Variants in PCSK5 observed in about 807,000 individuals in gnomAD.
PCSK5 encodes the protein prohormone convertase 5.
A neutral mutation model predicts 233.2 loss-of-function variants in PCSK5; 129 were observed. That is an observed-to-expected ratio of 0.55 (90% CI 0.48 to 0.64). PCSK5 has a LOEUF of 0.64. Among genes scored for constraint, PCSK5 ranks in the 30% least tolerant of loss-of-function variants. The probability of loss-of-function intolerance (pLI) is 0.00; values close to 1 mark genes in which losing one functional copy is unlikely to be tolerated. For synonymous variants in PCSK5, 825 were observed against 879.2 expected (o/e 0.94, Z 1.09); for missense variants, 2,076 against 2,430.1 (o/e 0.85, Z 3.06).
At chr9:76,281,961 A>G (rs1030448162) in intron 24 of PCSK5, among the ~76,000 whole-genome samples, 8 of 151,878 alleles carry the variant, frequency 5.3e-5, no homozygotes, top group Admixed American at 1.3e-4. Flanking sequence ...AGTCTTACTG[A>G]GAAAGACACT....
rs552898903 is a variant in PCSK5 at position 76,185,305 on chromosome 9, A to G, written c.2282+548A>G. 4.7e-4 allele frequency among the ~76,000 whole-genome samples: 71 copies of G among 152,242 alleles called. 1 individual carries two copies. Among genetic ancestry groups the G allele is most frequent in the Admixed American group, 2.9e-3 (45 of 15,276 alleles). On this transcript the variant is annotated intron_variant, in intron 17 of 37. Transcript: ENST00000674117. ...ATTGCTAAAGCTCAATAGTTGGTCA[A>G]CTCTCTAAGAGAACAATGTACAGCT... is the stretch of plus-strand genomic sequence containing the variant.
chr9:76,028,729 A>C (rs926648873), intron 5 of PCSK5, among the ~76,000 whole-genome samples: 1 of 152,124 alleles, frequency 6.6e-6, no homozygotes, highest in Non-Finnish European at 1.5e-5. Context: ...TCTCATAGCT[A>C]ATTGTTAGTC....
intron 10 of PCSK5, among the ~76,000 whole-genome samples, chr9:76,152,718 A>G (rs147830723): frequency 2.0e-5 from 3 of 152,098 alleles, no homozygotes; most frequent in South Asian, 2.1e-4. Flanking sequence ...CATATACCCA[A>G]TTTTCCTGCT....
intron 24 of PCSK5, among the ~76,000 whole-genome samples, chr9:76,289,513 A>ACACACACACAC (rs1441487777): frequency 6.2e-4 from 47 of 75,814 alleles, no homozygotes; most frequent in African/African-American, 2.6e-3. Flanking sequence ...ACACACACGC[A>ACACACACACAC]ACATACACAC....
intron 20 of PCSK5, among the ~76,000 whole-genome samples, chr9:76,204,107 T>C (rs1470039110): frequency 6.6e-6 from 1 of 152,214 alleles, no homozygotes; most frequent in Admixed American, 6.5e-5. Flanking sequence ...TTTTTATTCA[T>C]TGTTGATCCC....
At chr9:76,164,291 G>A (rs1043033201) in intron 12 of PCSK5, among the ~76,000 whole-genome samples, 10 of 152,168 alleles carry the variant, frequency 6.6e-5, no homozygotes, top group African/African-American at 2.4e-4. Context: ...AGAAGGTACA[G>A]CCTTTGGAGT....
At chr9:76,025,398 G>A (rs1165474631) in intron 4 of PCSK5, among the ~76,000 whole-genome samples, 1 of 133,410 alleles carries the variant, frequency 7.5e-6, no homozygotes, top group Non-Finnish European at 1.6e-5. Context: ...TAAAAAAAAT[G>A]AGGAGAGAGA....
intron 25 of PCSK5, among the ~76,000 whole-genome samples, chr9:76,294,700 T>C (rs1039162601): frequency 6.6e-6 from 1 of 152,102 alleles, no homozygotes; most frequent in Non-Finnish European, 1.5e-5. Flanking sequence ...ACATAATCAG[T>C]ACTCTATAAA....
At chr9:75,954,946 T>C (rs891464135) in intron 2 of PCSK5, among the ~76,000 whole-genome samples, 20 of 152,234 alleles carry the variant, frequency 1.3e-4, no homozygotes, top group African/African-American at 4.8e-4. Flanking sequence ...ATTTCTCTTT[T>C]TAAAATAGAC....
chr9:76,195,619 T>C (rs1483894962), intron 20 of PCSK5: 3 of 152,296 alleles, frequency 2.0e-5, no homozygotes, highest in East Asian at 1.9e-4. Context: ...ATGAGATATA[T>C]GTAATGGATA....
chr9:76,285,689 A>G (rs1828040637), intron 24 of PCSK5, among the ~76,000 whole-genome samples: 1 of 152,188 alleles, frequency 6.6e-6, no homozygotes. Context: ...CTGCCTAAAC[A>G]TAGTGTCTAC....
chr9:76,168,378 C>T (rs1823178636), intron 12 of PCSK5, among the ~76,000 whole-genome samples: 1 of 152,140 alleles, frequency 6.6e-6, no homozygotes, highest in African/African-American at 2.4e-5. Flanking sequence ...GAACTCCTGA[C>T]CTCAGGTGAT....
intron 30 of PCSK5, among the ~76,000 whole-genome samples, chr9:76,318,319 G>A (rs144780693): frequency 1.4e-3 from 214 of 152,200 alleles, no homozygotes; most frequent in African/African-American, 4.8e-3. Flanking sequence ...CCTGTCGGAG[G>A]GTAGGGGGCA....
chr9:75,936,664 G>A (rs949045650), intron 2 of PCSK5, among the ~76,000 whole-genome samples: 4 of 152,122 alleles, frequency 2.6e-5, no homozygotes, highest in African/African-American at 9.7e-5. Flanking sequence ...CATCTGCAGT[G>A]ACTTCCTCCA....
chr9:76,209,811 A>G (rs1277126881), intron 20 of PCSK5, among the ~76,000 whole-genome samples: 1 of 151,016 alleles, frequency 6.6e-6, no homozygotes, highest in African/African-American at 2.4e-5. Context: ...ATTTAAATAT[A>G]TATTAAATTA....
intron 10 of PCSK5, among the ~76,000 whole-genome samples, chr9:76,136,724 G>A (rs1026948364): frequency 1.3e-5 from 2 of 151,978 alleles, no homozygotes; most frequent in African/African-American, 4.8e-5. Flanking sequence ...TGTTGGAAAA[G>A]TAGTTTAAAA....
At chr9:75,893,837 T>G (rs1811866618) in intron 1 of PCSK5, among the ~76,000 whole-genome samples, 1 of 152,206 alleles carries the variant, frequency 6.6e-6, no homozygotes, top group South Asian at 2.1e-4. Context: ...TGTAAAAAGA[T>G]CAGCTATTCT....
intron 24 of PCSK5, among the ~76,000 whole-genome samples, chr9:76,288,719 A>G (rs1828163996): frequency 6.6e-6 from 1 of 152,194 alleles, no homozygotes. Context: ...GGACCCTTTC[A>G]CAGTCTGCAT....
chr9:75,913,469 G>A (rs1294714340), intron 1 of PCSK5, among the ~76,000 whole-genome samples: 2 of 152,092 alleles, frequency 1.3e-5, no homozygotes, highest in African/African-American at 2.4e-5. Flanking sequence ...ATTCTGTAGA[G>A]GCCCCATCCA....
Sources: gnomAD v4.1 joint callset for allele counts (sites outside exome capture counted in the v4.1 genomes callset) on GRCh38, gnomAD v4.1.1 for gene constraint, MANE v1.5 for transcripts, NCBI Gene and HGNC (gene_info 2026-07-23, HGNC 2026-07-21) for gene names.